Variants in BCL3 observed in about 807,000 individuals in gnomAD.
The protein encoded by BCL3 is BCL3 transcription coactivator.
BCL3 carries 15 observed loss-of-function variants against 35.7 expected under a neutral mutation model. That is an observed-to-expected ratio of 0.42 (90% CI 0.28 to 0.65). The LOEUF is 0.65. BCL3 is among the 30% of genes least tolerant of loss of function. BCL3 has a pLI of 0.22. For missense variants in BCL3, 565 were observed against 641.7 expected (o/e 0.88, Z 1.29); for synonymous variants, 311 against 284.3 (o/e 1.09, Z -0.95).
rs758001387 is a variant in BCL3 at position 44,757,284 on chromosome 19, C to G, written c.725-43C>G. On this transcript the variant is annotated intron_variant, in intron 4 of 8. Coordinates refer to ENST00000164227, the MANE Select transcript of BCL3 (RefSeq NM_005178.5). The surrounding 1 kb of genome is among the most constrained non-coding windows in gnomAD (Gnocchi z 8.4). ...CGGACCTGGAGTCCATCAGCGGCCG[C>G]AAAGCCCGGGCCTAGGTTTCACCGA... The G allele has an allele frequency of 4.5e-6, 7 of 1,567,750 alleles. No individual in the cohort carries two copies. In the South Asian group the frequency reaches 8.1e-5, roughly 18 times the overall value.
intron 2 of BCL3, among the ~76,000 whole-genome samples, chr19:44,752,483 A>G (rs897769401): frequency 6.6e-6 from 1 of 152,120 alleles, no homozygotes; most frequent in Non-Finnish European, 1.5e-5. Context: ...CTGAGATTAC[A>G]GATGTGAGCC....
At chr19:44,758,201 C>T (rs777776029) in intron 6 of BCL3, 45 bp from the exon 7 acceptor site, 11 of 1,431,116 alleles carry the variant, frequency 7.7e-6, no homozygotes, top group South Asian at 1.5e-5. Context: ...TCCCTTACCC[C>T]GGGTGGCCCG....
At chr19:44,756,899 T>C in intron 3 of BCL3, 118 bp from the exon 4 acceptor site, 1 of 988,350 alleles carries the variant, frequency 1.0e-6, no homozygotes, top group African/African-American at 1.6e-5. Context: ...AGGAGGTGTC[T>C]CAGGTTTCTG....
At chr19:44,749,896 G>A (rs1337103846) in intron 1 of BCL3, among the ~76,000 whole-genome samples, 2 of 152,182 alleles carry the variant, frequency 1.3e-5, no homozygotes, top group Admixed American at 6.5e-5. Flanking sequence ...GCCTGGTATT[G>A]GAGATACGAG....
Position 44,759,628 on chromosome 19 carries a change from G to C in BCL3, c.*13G>C. ...AGGAGGCAGCTGAGGGGGATGGGGG[G>C]GCAGATCTTGGACTCATGAGGAGGG... On this transcript the variant is annotated 3_prime_UTR_variant, in exon 9 of 9. Coordinates refer to ENST00000164227, the MANE Select transcript of BCL3 (RefSeq NM_005178.5). The C allele has an allele frequency of 6.3e-7, 1 of 1,595,436 alleles. No individual in the cohort carries two copies. The highest frequency in any genetic ancestry group is 8.5e-7 in the Non-Finnish European group (1 of 1,175,312).
rs1165740421 is a variant in BCL3, at chr19:44,757,777, G to T, written c.891+54G>T. ...CCACCCTATCCTCTGACCCCAACCC[G>T]GCTCTGGCCTCAGCCCCTAGCTCTG... On this transcript the variant is annotated intron_variant, in intron 6 of 8. Transcript: ENST00000164227. The surrounding 1 kb of genome is among the most constrained non-coding windows in gnomAD (Gnocchi z 8.4). The T allele has an allele frequency of 3.8e-6, 6 of 1,559,046 alleles. No individual in the cohort carries two copies. The African/African-American group carries it at 6.8e-5, about 18-fold the overall frequency.
At chr19:44,754,065 G>T (rs1967233672) in intron 2 of BCL3, among the ~76,000 whole-genome samples, 1 of 152,210 alleles carries the variant, frequency 6.6e-6, no homozygotes, top group South Asian at 2.1e-4. Flanking sequence ...GGGCCTGAAA[G>T]TCTGTGTTCC....
chr19:44,757,247 T>G lies in BCL3; in HGVS notation c.724+26T>G. On this transcript the variant is annotated intron_variant, in intron 4 of 8. Transcript: ENST00000164227. The surrounding 1 kb of genome is among the most constrained non-coding windows in gnomAD (Gnocchi z 8.4). ...GTAAGCATTTACCGCGGGGCACCGC[T>G]GGGCTGTCCAGCGGACCTGGAGTCC... is the stretch of plus-strand genomic sequence containing the variant. 1 of 1,552,904 alleles carries G rather than the reference T, an allele frequency of 6.4e-7. No homozygotes were observed. Among genetic ancestry groups the G allele is most frequent in the Non-Finnish European group, 8.7e-7 (1 of 1,145,946 alleles).
chr19:44,748,996 TC>T lies in BCL3; in HGVS notation c.210del (p.His74ThrfsTer31), dbSNP rs1216162457. 22 of 1,384,374 alleles carry T rather than the reference TC, an allele frequency of 1.6e-5. No individual in the cohort carries two copies. Among genetic ancestry groups the T allele is most frequent in the South Asian group, 9.2e-5 (6 of 64,914 alleles). The allele number at this position is 1,384,374 out of a possible 1,614,324, so 85.8% of individuals were successfully genotyped here. On this transcript the variant is annotated frameshift_variant, in exon 1 of 9. Coordinates refer to ENST00000164227, the MANE Select transcript of BCL3 (RefSeq NM_005178.5). LOFTEE classifies it high-confidence loss of function. ...CGCGGCGGCTGCGACCTGCCGGCGG[TC>T]CCCGGGCCCCCCCACGGCCTGGCCC... ...PLRGGCDLPA[V>X]PGPPHGLARP...
chr19:44,755,987 T>C (rs1457520673), intron 2 of BCL3, among the ~76,000 whole-genome samples: 1 of 152,054 alleles, frequency 6.6e-6, no homozygotes, highest in Admixed American at 6.5e-5. Flanking sequence ...CAGTAGAGCA[T>C]AGGTGGAAGC....
In BCL3 at chr19:44,748,932, C is replaced by T; in HGVS notation, c.142C>T (p.Arg48Cys). The T allele has an allele frequency of 1.7e-6, 2 of 1,202,750 alleles. No individual in the cohort carries two copies. The highest frequency in any genetic ancestry group is 2.1e-6 in the Non-Finnish European group (2 of 968,134). 74.5% of individuals were successfully genotyped at this position (1,202,750 alleles called of 1,614,324 possible). The part of the protein sequence containing the change: ...RAPSPEPAAP[R>C]GAAGLVVPLD... ...GCCCTCCCCGGAGCCCGCCGCTCCCCGCGGCGCTGCGGGCCTTGTCGTCCC... is the reference window on the plus strand; with the variant it reads ...GCCCTCCCCGGAGCCCGCCGCTCCCTGCGGCGCTGCGGGCCTTGTCGTCCC... Residue 48 changes from arginine to cysteine, a missense_variant, in exon 1 of 9, where the codon CGC becomes TGC. Arg to Cys is a radical substitution (Grantham distance 180, BLOSUM62 -3). Around this residue, in one of 5 missense-constraint regions of BCL3, gnomAD observed 267 missense variants for 281.5 expected, o/e 0.95. Coordinates refer to ENST00000164227, the MANE Select transcript of BCL3 (RefSeq NM_005178.5).
At position 44,748,796 on chromosome 19, in the gene BCL3, C is replaced by T. The variant is rs1967117370; in HGVS notation, c.6C>T (p.Pro2=). 6 of 1,109,280 alleles carry T rather than the reference C, an allele frequency of 5.4e-6. No homozygotes were observed. The highest frequency in any genetic ancestry group is 6.6e-6 in the Non-Finnish European group (6 of 910,074). The allele number at this position is 1,109,280 out of a possible 1,614,324, so 68.7% of individuals were successfully genotyped here. ...CCGCCGTCCCCGGCGGCCCCATGCC[C>T]CGATGCCCCGCGGGGGCCATGGACG... M[P]RCPAGAMDEG... is the part of the protein sequence containing the mutation. The change falls in exon 1 of 9, where the codon CCC becomes CCT. Residue 2 remains proline, a synonymous_variant. Transcript: ENST00000164227.
At chr19:44,756,555 G>T (rs1451855203) in intron 3 of BCL3, among the ~76,000 whole-genome samples, 1 of 146,020 alleles carries the variant, frequency 6.8e-6, no homozygotes, top group African/African-American at 2.7e-5. Flanking sequence ...GCTGGGTCCT[G>T]GGCTCCTGAG....
intron 2 of BCL3, among the ~76,000 whole-genome samples, chr19:44,754,141 T>C (rs1448352332): frequency 6.6e-6 from 1 of 152,110 alleles, no homozygotes; most frequent in Non-Finnish European, 1.5e-5. Context: ...GGCAAGGTAG[T>C]TTGGGATCCT....
At chr19:44,748,684 A>C (rs1967114729), upstream of BCL3, 5 of 1,042,578 alleles carry the variant, frequency 4.8e-6, no homozygotes, top group Non-Finnish European at 5.8e-6. Context: ...GGCCGACAAA[A>C]GTCCCTTCAG....
intron 8 of BCL3, 140 bp from the exon 9 acceptor site, chr19:44,759,288 A>T: frequency 1.8e-6 from 1 of 568,936 alleles, no homozygotes; most frequent in Non-Finnish European, 2.9e-6. Context: ...CCGGGAGTTT[A>T]AATCCCCAGC....
At chr19:44,754,624 T>C (rs1456732712) in intron 2 of BCL3, among the ~76,000 whole-genome samples, 1 of 151,858 alleles carries the variant, frequency 6.6e-6, no homozygotes, top group African/African-American at 2.4e-5. Context: ...TCTGAAATCA[T>C]TCGCTGCGTC....
At chr19:44,751,484 C>G in intron 2 of BCL3, 104 bp downstream of exon 2, 1 of 1,234,102 alleles carries the variant, frequency 8.1e-7, no homozygotes, top group Non-Finnish European at 1.1e-6. Flanking sequence ...AACTCGGTCT[C>G]CACCACAGGC....
At chr19:44,758,455 G>T (rs1386740900) in intron 7 of BCL3, 42 bp downstream of exon 7, 2 of 1,516,756 alleles carry the variant, frequency 1.3e-6, no homozygotes, top group East Asian at 2.5e-5. Context: ...GCACACGTGT[G>T]TCCGCGGGCT....
Sources: allele counts gnomAD v4.1 joint callset (sites outside exome capture counted in the v4.1 genomes callset), GRCh38; gene constraint gnomAD v4.1.1; regional missense constraint gnomAD v4.1.1; non-coding constraint Gnocchi (gnomAD v3.1); transcripts MANE v1.5; gene names NCBI Gene and HGNC (gene_info 2026-07-23, HGNC 2026-07-21).